NAA40: variants seen among roughly 807,000 people sequenced by gnomAD.
NAA40 encodes the protein N-alpha-acetyltransferase 40, NatD catalytic subunit.
A neutral mutation model predicts 36.6 loss-of-function variants in NAA40; 26 were observed. The observed-to-expected ratio is 0.71, with a 90% CI of 0.52 to 0.98. NAA40 has a LOEUF of 0.98. Ranked by LOEUF, NAA40 falls within the 50% of genes least tolerant of loss-of-function variation. The pLI is 0.00. For missense variants in NAA40, 237 were observed against 306.5 expected (o/e 0.77, Z 1.69); for synonymous variants, 129 against 108.4 (o/e 1.19, Z -1.18).
intron 1 of NAA40, 150 bp from the exon 2 acceptor site, chr11:63,945,690 C>A (rs1358471945): frequency 4.4e-6 from 3 of 682,612 alleles, no homozygotes; most frequent in Admixed American, 2.3e-5. Flanking sequence ...TTGGGTCTTT[C>A]CGCCCCTCCA....
chr11:63,953,708 C>G (rs576364021), intron 6 of NAA40, among the ~76,000 whole-genome samples: 1 of 152,320 alleles, frequency 6.6e-6, no homozygotes, highest in African/African-American at 2.4e-5. Flanking sequence ...CAGCCTCTAC[C>G]TCCCAGGCTC....
chr11:63,953,474 T>C (rs1246112201), intron 6 of NAA40, among the ~76,000 whole-genome samples: 1 of 152,216 alleles, frequency 6.6e-6, no homozygotes, highest in African/African-American at 2.4e-5. Flanking sequence ...CTGTGCAGTC[T>C]GATCAGCCTG....
At chr11:63,949,255 G>A (rs1942237324) in intron 3 of NAA40, among the ~76,000 whole-genome samples, 1 of 152,180 alleles carries the variant, frequency 6.6e-6, no homozygotes, top group Non-Finnish European at 1.5e-5. Flanking sequence ...TTGTCAGGAG[G>A]ATAAGATGTA....
intron 1 of NAA40, among the ~76,000 whole-genome samples, chr11:63,943,115 G>T (rs1275781278): frequency 6.6e-6 from 1 of 152,274 alleles, no homozygotes; most frequent in East Asian, 1.9e-4. Flanking sequence ...CTTCTAACCT[G>T]CCCTTACAGC....
At chr11:63,946,461 T>A in intron 2 of NAA40, 1 of 1,009,280 alleles carries the variant, frequency 9.9e-7, no homozygotes, top group Non-Finnish European at 1.2e-6. Context: ...TGCCTTGGCC[T>A]CCCAAAGTGC....
rs1336620427 is a variant in NAA40 at position 63,957,267 on chromosome 11, CTCT to C, written c.*2793_*2795del. The C allele has an allele frequency of 1.3e-5, 2 of 148,468 alleles. No individual in the cohort carries two copies. Among genetic ancestry groups the C allele is most frequent in the Admixed American group, 6.7e-5 (1 of 14,830 alleles). The allele number at this position is 148,468 out of a possible 1,614,324, so 9.2% of individuals were successfully genotyped here. On this transcript the variant is annotated 3_prime_UTR_variant, in exon 8 of 8. Coordinates refer to ENST00000377793, the MANE Select transcript of NAA40 (RefSeq NM_024771.4). ...ACTGGAATCAAAGGGAAAAAGTGATCTCTTCTTGCATTGGTTGTATTTGTATGT... is the reference window on the plus strand; with the variant it reads ...ACTGGAATCAAAGGGAAAAAGTGATCTCTTGCATTGGTTGTATTTGTATGT...
intron 3 of NAA40, among the ~76,000 whole-genome samples, chr11:63,949,244 C>G (rs4980512): frequency 0.46 from 70,211 of 151,976 alleles, 17,280 homozygotes; most frequent in African/African-American, 0.62. Flanking sequence ...TTCTCATGGA[C>G]TTGTCAGGAG....
At position 63,952,475 on chromosome 11, in the gene NAA40, GGTACCTCATCGCGTGGGAAAACAGCTCC is replaced by G; in HGVS notation, c.323_350del (p.Tyr108SerfsTer52). 6.2e-7 allele frequency: 1 copy of G among 1,614,180 alleles called. No homozygotes were observed. The highest frequency in any genetic ancestry group is 8.5e-7 in the Non-Finnish European group (1 of 1,180,042). Reference sequence around the variant, plus strand: ...GAGGAAATGACAGATGACCGAGCCTGGTACCTCATCGCGTGGGAAAACAGCTCCGTCCCTGTTGCCTTTTCTCACTTCC... The same window carrying G: ...GAGGAAATGACAGATGACCGAGCCTGGTCCCTGTTGCCTTTTCTCACTTCC... On this transcript the variant is annotated frameshift_variant, in exon 5 of 8. Coordinates refer to ENST00000377793, the MANE Select transcript of NAA40 (RefSeq NM_024771.4). LOFTEE classifies it high-confidence loss of function.
At chr11:63,946,681 G>T in intron 2 of NAA40, 6 of 1,463,898 alleles carry the variant, frequency 4.1e-6, no homozygotes, top group Non-Finnish European at 4.5e-6. Context: ...CTGTGAGCAG[G>T]TTGTATGCCC....
At chr11:63,941,408 TATTTC>T in intron 1 of NAA40, among the ~76,000 whole-genome samples, 1 of 152,352 alleles carries the variant, frequency 6.6e-6, no homozygotes, top group South Asian at 2.1e-4. Flanking sequence ...TTAGAATTTA[TATTTC>T]TCTTGCTTCA....
intron 3 of NAA40, among the ~76,000 whole-genome samples, chr11:63,950,235 C>CT (rs1024860146): frequency 3.3e-5 from 5 of 151,374 alleles, no homozygotes; most frequent in African/African-American, 1.2e-4. Context: ...TCTCCTGCCT[C>CT]TACCTCCTGA....
At chr11:63,939,876 C>G (rs1275638421) in intron 1 of NAA40, among the ~76,000 whole-genome samples, 1 of 152,084 alleles carries the variant, frequency 6.6e-6, no homozygotes, top group Admixed American at 6.6e-5. Flanking sequence ...ACCACTTGTT[C>G]CGTGCCGGCA....
intron 1 of NAA40, 192 bp downstream of exon 1, chr11:63,939,294 A>G: frequency 2.4e-6 from 3 of 1,274,902 alleles, no homozygotes; most frequent in Non-Finnish European, 3.0e-6. Context: ...TCCTCTGGAG[A>G]GCCCCTGGTC....
At chr11:63,952,070 AC>A in intron 3 of NAA40, 167 bp from the exon 4 acceptor site, 1 of 578,826 alleles carries the variant, frequency 1.7e-6, no homozygotes, top group Non-Finnish European at 3.1e-6. Flanking sequence ...AGCCTGAAAG[AC>A]TTTGTTCCTG....
intron 3 of NAA40, among the ~76,000 whole-genome samples, chr11:63,950,109 T>G (rs961414053): frequency 4.4e-5 from 6 of 135,446 alleles, no homozygotes; most frequent in Non-Finnish European, 6.1e-5. Flanking sequence ...GCAGCTGGTA[T>G]GAGGTTTTTT....
chr11:63,946,137 G>A (rs1016959611), intron 2 of NAA40: 4 of 575,560 alleles, frequency 6.9e-6, no homozygotes, highest in Non-Finnish European at 1.2e-5. Flanking sequence ...TTGGGAAAAC[G>A]TGGATTCCAG....
chr11:63,947,148 T>C, intron 3 of NAA40, 145 bp downstream of exon 3: 1 of 836,466 alleles, frequency 1.2e-6, no homozygotes, highest in Non-Finnish European at 1.9e-6. Context: ...GGCTCACGCC[T>C]GTAATCCAAG....
Position 63,956,538 on chromosome 11 carries a change from A to G in NAA40, c.*2059A>G, listed in dbSNP as rs1209488896. ...CTGCTCACCCTAGTCTCTGCAGGCC[A>G]TGTCCTGAAGGGTTCCTCAGGAGGT... On this transcript the variant is annotated 3_prime_UTR_variant, in exon 8 of 8. Coordinates refer to ENST00000377793, the MANE Select transcript of NAA40 (RefSeq NM_024771.4). 1 of 152,578 alleles carries G rather than the reference A, an allele frequency of 6.6e-6. No homozygotes were observed. 9.5% of individuals were successfully genotyped at this position (152,578 alleles called of 1,614,324 possible). A position where few individuals can be genotyped will look rare whatever the true frequency, so the allele number is the denominator to read the frequency against.
In NAA40 at chr11:63,947,019, C is replaced by T. The variant is rs776160425; in HGVS notation, c.155+16C>T. The T allele has an allele frequency of 1.2e-6, 2 of 1,610,902 alleles. No individual in the cohort carries two copies. Among genetic ancestry groups the T allele is most frequent in the South Asian group, 1.1e-5 (1 of 90,996 alleles). On this transcript the variant is annotated intron_variant, in intron 3 of 7. Coordinates refer to ENST00000377793, the MANE Select transcript of NAA40 (RefSeq NM_024771.4). ...ATAGAAACGGGTGAGTCACATTGAG[C>T]ATTACCAACTGCTGTCTCCTCGAGT...
Sources: allele counts gnomAD v4.1 joint callset (sites outside exome capture counted in the v4.1 genomes callset), GRCh38; gene constraint gnomAD v4.1.1; transcripts MANE v1.5; gene names NCBI Gene and HGNC (gene_info 2026-07-23, HGNC 2026-07-21).